Variants in GRM8 observed in about 807,000 individuals in gnomAD.
GRM8 encodes glutamate metabotropic receptor 8.
Under a neutral mutation model 87.2 loss-of-function variants are expected in GRM8, and 47 were observed. The observed-to-expected ratio is 0.54, with a 90% CI of 0.43 to 0.69. The LOEUF is 0.69. GRM8 is among the 30% of genes least tolerant of loss of function. The pLI is 0.00. For missense variants in GRM8, 1,019 were observed against 1,139.2 expected (o/e 0.89, Z 1.52); for synonymous variants, 396 against 404.5 (o/e 0.98, Z 0.25).
rs570200346 is a variant in GRM8 at position 126,735,915 on chromosome 7, C to T, written c.1357+33950G>A. Among the ~76,000 whole-genome samples, 422 of 152,144 alleles carry T rather than the reference C, an allele frequency of 2.8e-3. 5 individuals are homozygous for T. Among genetic ancestry groups the T allele is most frequent in the Middle Eastern group, 0.024 (7 of 294 alleles). ...GGACACCTGGGCATTACCCATCTTT[C>T]TTTCCCTGGATGAGAATGAAGCCTT... is the stretch of plus-strand genomic sequence containing the variant. On this transcript the variant is annotated intron_variant, in intron 7 of 10. Coordinates refer to ENST00000339582, the MANE Select transcript of GRM8 (RefSeq NM_000845.3).
chr7:126,904,941 A>G (rs1320440589), intron 3 of GRM8, among the ~76,000 whole-genome samples: 1 of 152,204 alleles, frequency 6.6e-6, no homozygotes, highest in Non-Finnish European at 1.5e-5. Context: ...AAGAAAACCA[A>G]GGTGTATAAG....
chr7:126,683,184 A>G (rs1807800387), intron 7 of GRM8, among the ~76,000 whole-genome samples: 1 of 152,250 alleles, frequency 6.6e-6, no homozygotes, highest in African/African-American at 2.4e-5. Flanking sequence ...TGTTCTCTAC[A>G]TTTGCTGAAC....
At chr7:126,743,323 A>C (rs1815230326) in intron 7 of GRM8, among the ~76,000 whole-genome samples, 1 of 152,072 alleles carries the variant, frequency 6.6e-6, no homozygotes. Flanking sequence ...CCCACCACTC[A>C]TTTTTAAATA....
intron 9 of GRM8, chr7:126,465,186 G>C (rs1302523239): frequency 6.6e-6 from 1 of 151,494 alleles, no homozygotes; most frequent in East Asian, 1.9e-4. Flanking sequence ...TTCCATCCTT[G>C]TATCAATACC....
intron 7 of GRM8, among the ~76,000 whole-genome samples, chr7:126,719,027 G>T (rs1812079524): frequency 6.6e-6 from 1 of 152,100 alleles, no homozygotes; most frequent in Admixed American, 6.6e-5. Context: ...GAATTACCTG[G>T]GTTTTGGAGT....
At chr7:126,473,048 A>T (rs1418994434) in intron 9 of GRM8, among the ~76,000 whole-genome samples, 1 of 152,122 alleles carries the variant, frequency 6.6e-6, no homozygotes, top group Admixed American at 6.5e-5. Context: ...CTCCTAGAGA[A>T]CCTCTGCTAA....
intron 6 of GRM8, among the ~76,000 whole-genome samples, chr7:126,796,933 T>C (rs1822013875): frequency 2.0e-5 from 3 of 152,088 alleles, no homozygotes; most frequent in Non-Finnish European, 4.4e-5. Context: ...TAAATGTGGG[T>C]TGCGAGATTT....
chr7:127,233,066 G>A (rs779287184), intron 2 of GRM8, among the ~76,000 whole-genome samples: 10 of 152,124 alleles, frequency 6.6e-5, no homozygotes, highest in Non-Finnish European at 1.2e-4. Context: ...TCCTGACCTT[G>A]TGATCCACCT....
At chr7:126,630,196 T>C (rs1801123043) in intron 7 of GRM8, among the ~76,000 whole-genome samples, 1 of 151,814 alleles carries the variant, frequency 6.6e-6, no homozygotes, top group African/African-American at 2.4e-5. Context: ...TTTAATTAAT[T>C]AGTCAAAGAA....
At chr7:127,177,233 C>G (rs1457366103) in intron 2 of GRM8, among the ~76,000 whole-genome samples, 2 of 152,134 alleles carry the variant, frequency 1.3e-5, no homozygotes, top group Non-Finnish European at 2.9e-5. Flanking sequence ...GGCTTTCCCC[C>G]ATTTCCCTGA....
intron 2 of GRM8, among the ~76,000 whole-genome samples, chr7:127,188,015 C>G (rs1305226209): frequency 6.6e-6 from 1 of 152,204 alleles, no homozygotes; most frequent in Non-Finnish European, 1.5e-5. Flanking sequence ...ACACATTCAT[C>G]TAACAAAATT....
intron 3 of GRM8, among the ~76,000 whole-genome samples, chr7:126,975,304 T>C (rs1001474184): frequency 5.3e-5 from 8 of 152,238 alleles, no homozygotes; most frequent in Non-Finnish European, 8.8e-5. Context: ...TAGACCAAGA[T>C]AGGTTTTTCT....
intron 3 of GRM8, among the ~76,000 whole-genome samples, chr7:126,943,530 C>T (rs1250738483): frequency 6.6e-6 from 1 of 152,204 alleles, no homozygotes; most frequent in Non-Finnish European, 1.5e-5. Context: ...TCATTTTATA[C>T]AAAAGTTGGT....
At chr7:126,831,965 A>G (rs1795422876) in intron 6 of GRM8, among the ~76,000 whole-genome samples, 1 of 152,194 alleles carries the variant, frequency 6.6e-6, no homozygotes, top group Non-Finnish European at 1.5e-5. Flanking sequence ...AGTTTGGTAG[A>G]ATATATCCTC....
chr7:126,768,423 C>T (rs1198922610), intron 7 of GRM8, among the ~76,000 whole-genome samples: 1 of 144,004 alleles, frequency 6.9e-6, no homozygotes, highest in Non-Finnish European at 1.5e-5. Flanking sequence ...GAGGCAAATC[C>T]TTTTAATAGC....
At chr7:127,096,558 TA>T (rs11315693) in intron 3 of GRM8, among the ~76,000 whole-genome samples, 19,686 of 139,972 alleles carry the variant, frequency 0.14, 1,300 homozygotes, top group Middle Eastern at 0.22. Context: ...AGACTGGGTC[TA>T]AAAAAAAAAA....
chr7:126,814,006 T>C (rs1378609232), intron 6 of GRM8, among the ~76,000 whole-genome samples: 1 of 152,048 alleles, frequency 6.6e-6, no homozygotes, highest in Non-Finnish European at 1.5e-5. Context: ...GACGTGAGCC[T>C]CCTTTGGGAG....
At chr7:126,783,853 C>T (rs1452556109) in intron 6 of GRM8, among the ~76,000 whole-genome samples, 1 of 152,000 alleles carries the variant, frequency 6.6e-6, no homozygotes, top group African/African-American at 2.4e-5. Flanking sequence ...CATTTCAAAC[C>T]CCTCATAAAT....
At chr7:127,142,305 T>C (rs554967553) in intron 2 of GRM8, among the ~76,000 whole-genome samples, 122 of 152,238 alleles carry the variant, frequency 8.0e-4, no homozygotes, top group Non-Finnish European at 1.3e-3. Flanking sequence ...TTTACTAGCA[T>C]GCAGTTGGTT....
Sources: gnomAD v4.1 joint callset for allele counts (sites outside exome capture counted in the v4.1 genomes callset) on GRCh38, gnomAD v4.1.1 for gene constraint, MANE v1.5 for transcripts, NCBI Gene and HGNC (gene_info 2026-07-23, HGNC 2026-07-21) for gene names.